Variants in USP13 observed in about 807,000 individuals in gnomAD.
USP13 encodes ubiquitin specific peptidase 13, also known as ubiquitin carboxyl-terminal hydrolase 13.
USP13 carries 68 observed loss-of-function variants against 107.8 expected under a neutral mutation model. The ratio of observed to expected loss-of-function variants is 0.63; its 90% CI spans 0.52 to 0.77. The LOEUF is 0.77. Ranked by LOEUF, USP13 falls within the 30% of genes least tolerant of loss-of-function variation. The pLI is 0.00. For missense variants in USP13, 945 were observed against 1,093.3 expected (o/e 0.86, Z 1.91); for synonymous variants, 377 against 389.5 (o/e 0.97, Z 0.38).
At chr3:179,762,165 T>C (rs1432031106) in intron 17 of USP13, among the ~76,000 whole-genome samples, 1 of 152,240 alleles carries the variant, frequency 6.6e-6, no homozygotes, top group Non-Finnish European at 1.5e-5. Context: ...GGACATTTCA[T>C]ATAAATGGAG....
intron 8 of USP13, among the ~76,000 whole-genome samples, chr3:179,725,105 G>A (rs966635932): frequency 6.6e-5 from 10 of 152,026 alleles, no homozygotes; most frequent in South Asian, 2.1e-4. Flanking sequence ...CCAGATACTC[G>A]GGAGGCTGAG....
intron 13 of USP13, among the ~76,000 whole-genome samples, chr3:179,752,024 T>C (rs1019822899): frequency 3.7e-4 from 56 of 152,372 alleles, no homozygotes; most frequent in Non-Finnish European, 6.3e-4. Context: ...ATTACAGGCG[T>C]GAGCCACCGC....
At position 179,752,361 on chromosome 3, in the gene USP13, C is replaced by A. The variant is rs1271227108; in HGVS notation, c.1786C>A (p.Pro596Thr). ...KKFTFGLDWV[P>T]KKFDVSIDMP... ...GTTCACTTTTGGTCTTGACTGGGTTCCCAAAAAATTTGGTAGGTATCTTTT... is the reference window on the plus strand; with the variant it reads ...GTTCACTTTTGGTCTTGACTGGGTTACCAAAAAATTTGGTAGGTATCTTTT... Residue 596 changes from proline to threonine, a missense_variant, in exon 14 of 21, where the codon CCC becomes ACC. By Grantham distance (38) the Pro-to-Thr change is conservative (BLOSUM62 -1). Transcript: ENST00000263966. The A allele has an allele frequency of 9.3e-6, 15 of 1,613,560 alleles. No individual in the cohort carries two copies. The Admixed American group carries it at 2.5e-4, about 27-fold the overall frequency.
chr3:179,690,199 T>C (rs775273766), intron 2 of USP13, 42 bp from the exon 3 acceptor site: 1 of 1,589,366 alleles, frequency 6.3e-7, no homozygotes, highest in South Asian at 1.1e-5. Context: ...AAGATGTTTA[T>C]TTTATAGGCC....
rs1712060900 is a variant in USP13, at chr3:179,690,113, T to C, written c.295-128T>C. The C allele has an allele frequency of 8.5e-6, 7 of 821,964 alleles. No homozygotes were observed. The South Asian group carries it at 1.2e-4, about 15-fold the overall frequency. The allele number at this position is 821,964 out of a possible 1,614,324, so 50.9% of individuals were successfully genotyped here. A position where few individuals can be genotyped will look rare whatever the true frequency, so the allele number is the denominator to read the frequency against. On this transcript the variant is annotated intron_variant, in intron 2 of 20. Transcript: ENST00000263966. ...GTCAGTTCCCTGTTTATCCTGGAAT[T>C]GCTAATCTAGATGGAATATTTCTTC... is the stretch of plus-strand genomic sequence containing the variant.
At position 179,759,541 on chromosome 3, in the gene USP13, T is replaced by C. The variant is rs916580104; in HGVS notation, c.1949-1571T>C. Reference sequence around the variant, plus strand: ...CACAGAAACTCCGTTTTTGATTCAATGGTTACATCTCTTAGAATACTAGGA... The same window carrying C: ...CACAGAAACTCCGTTTTTGATTCAACGGTTACATCTCTTAGAATACTAGGA... On this transcript the variant is annotated intron_variant, in intron 16 of 20. Transcript: ENST00000263966. Among the ~76,000 whole-genome samples, 5 of 152,250 alleles carry C rather than the reference T, an allele frequency of 3.3e-5. 1 individual carries two copies.
At chr3:179,670,899 T>C (rs1357223202) in intron 1 of USP13, among the ~76,000 whole-genome samples, 2 of 151,980 alleles carry the variant, frequency 1.3e-5, no homozygotes, top group African/African-American at 2.4e-5. Context: ...GGTTTTACCA[T>C]GTTGGCCAAG....
intron 1 of USP13, among the ~76,000 whole-genome samples, chr3:179,660,107 A>T (rs575698589): frequency 5.9e-5 from 9 of 152,174 alleles, no homozygotes; most frequent in Non-Finnish European, 1.3e-4. Context: ...ATTAAATTAC[A>T]TTCGCATGGA....
intron 4 of USP13, among the ~76,000 whole-genome samples, chr3:179,705,863 C>T (rs1364929394): frequency 6.6e-6 from 1 of 152,110 alleles, no homozygotes; most frequent in African/African-American, 2.4e-5. Context: ...GCTGGGACTA[C>T]AGGCGCATGC....
chr3:179,756,024 G>A (rs1255585376), intron 15 of USP13, among the ~76,000 whole-genome samples: 1 of 152,206 alleles, frequency 6.6e-6, no homozygotes, highest in East Asian at 1.9e-4. Flanking sequence ...GTCAAAGAAG[G>A]ATCAGCATGG....
intron 4 of USP13, among the ~76,000 whole-genome samples, chr3:179,706,608 C>T (rs1712726505): frequency 6.6e-6 from 1 of 152,218 alleles, no homozygotes; most frequent in Non-Finnish European, 1.5e-5. Flanking sequence ...TATCTAATTT[C>T]ACCCTTGCAA....
chr3:179,668,660 A>T (rs1003619898), intron 1 of USP13, among the ~76,000 whole-genome samples: 1 of 152,082 alleles, frequency 6.6e-6, no homozygotes, highest in African/African-American at 2.4e-5. Context: ...GGGCTTAAGT[A>T]GGTCTCCTGC....
chr3:179,739,423 C>T (rs1411865971), intron 10 of USP13, among the ~76,000 whole-genome samples: 2 of 152,198 alleles, frequency 1.3e-5, no homozygotes, highest in Non-Finnish European at 2.9e-5. Flanking sequence ...AGCAGCTCTG[C>T]AGTGCTTCAC....
chr3:179,685,774 T>C (rs1329312277), intron 2 of USP13, among the ~76,000 whole-genome samples: 1 of 152,228 alleles, frequency 6.6e-6, no homozygotes, highest in African/African-American at 2.4e-5. Context: ...AATGTTTCAC[T>C]CTCTGACCAA....
intron 10 of USP13, among the ~76,000 whole-genome samples, chr3:179,731,383 G>A (rs1439269911): frequency 6.6e-6 from 1 of 152,104 alleles, no homozygotes. Context: ...CAGCCTGGGC[G>A]ACAGAGTAAG....
chr3:179,658,591 G>A (rs1362788146), intron 1 of USP13, among the ~76,000 whole-genome samples: 1 of 152,238 alleles, frequency 6.6e-6, no homozygotes, highest in Non-Finnish European at 1.5e-5. Context: ...GTGACAAAGA[G>A]AAAGAAGGAA....
intron 6 of USP13, among the ~76,000 whole-genome samples, chr3:179,714,642 A>C (rs573810908): frequency 4.5e-4 from 68 of 152,198 alleles, no homozygotes; most frequent in African/African-American, 1.6e-3. Flanking sequence ...ATCTGCTTCT[A>C]TTTGGGAGGC....
intron 20 of USP13, 114 bp from the exon 21 acceptor site, chr3:179,783,934 A>G (rs1287723413): frequency 1.3e-6 from 1 of 786,006 alleles, no homozygotes; most frequent in Non-Finnish European, 2.1e-6. Flanking sequence ...ACTTGAGTAT[A>G]GTACCTTAAA....
intron 3 of USP13, among the ~76,000 whole-genome samples, chr3:179,694,430 C>T (rs551925969): frequency 6.6e-6 from 1 of 152,216 alleles, no homozygotes; most frequent in South Asian, 2.1e-4. Context: ...CCCATGATTT[C>T]CAACCTCATG....
Sources: allele counts gnomAD v4.1 joint callset (sites outside exome capture counted in the v4.1 genomes callset), GRCh38; gene constraint gnomAD v4.1.1; transcripts MANE v1.5; gene names NCBI Gene and HGNC (gene_info 2026-07-23, HGNC 2026-07-21).